Variants in TBC1D16 observed in about 807,000 individuals in gnomAD.
TBC1D16 encodes the protein TBC1 domain family member 16.
TBC1D16 carries 58 observed loss-of-function variants against 74.7 expected under a neutral mutation model. The ratio of observed to expected loss-of-function variants is 0.78; its 90% CI spans 0.63 to 0.97. The LOEUF (loss-of-function observed/expected upper bound fraction) is 0.97. Ranked by LOEUF, TBC1D16 falls within the 50% of genes least tolerant of loss-of-function variation. The pLI is 0.00. For synonymous variants in TBC1D16, 493 were observed against 474.7 expected, an observed-to-expected ratio of 1.04 and a Z score of -0.50; for missense variants, 1,014 against 1,079.5, an observed-to-expected ratio of 0.94 and a Z score of 0.85.
chr17:79,967,166 T>C (rs1332646821), intron 3 of TBC1D16, among the ~76,000 whole-genome samples: 1 of 152,176 alleles, frequency 6.6e-6, no homozygotes, highest in Non-Finnish European at 1.5e-5. Context: ...GACAAAGATA[T>C]TCACTCTCAC....
At chr17:80,027,712 C>T (rs1015766868) in intron 1 of TBC1D16, among the ~76,000 whole-genome samples, 3 of 150,100 alleles carry the variant, frequency 2.0e-5, no homozygotes, top group East Asian at 2.0e-4. Flanking sequence ...GCCAACATGG[C>T]GAAACCCCGT....
intron 1 of TBC1D16, among the ~76,000 whole-genome samples, chr17:80,034,433 C>G (rs1330018487): frequency 2.0e-5 from 3 of 152,146 alleles, no homozygotes; most frequent in African/African-American, 4.8e-5. Context: ...AACTCCTGAC[C>G]TCAGGTGATC....
chr17:79,962,310 A>T lies in TBC1D16; in HGVS notation c.780-9492T>A, dbSNP rs143326541. Among the ~76,000 whole-genome samples the T allele has an allele frequency of 3.7e-3, 531 of 141,652 alleles. 6 individuals carry two copies. The highest frequency in any genetic ancestry group is 0.013 in the African/African-American group (507 of 37,962). The allele number at this position is 141,652 out of a possible 152,430, so 92.9% of individuals were successfully genotyped here. ...GCTCACTGCAACCTCCACCTCCCGG[A>T]CTCAAGCAATTCTCCTGCCTCAGCC... On this transcript the variant is annotated intron_variant, in intron 3 of 11. Coordinates refer to ENST00000310924, the MANE Select transcript of TBC1D16 (RefSeq NM_019020.4).
chr17:79,968,284 G>C (rs1428625921), intron 3 of TBC1D16, among the ~76,000 whole-genome samples: 1 of 152,212 alleles, frequency 6.6e-6, no homozygotes, highest in Non-Finnish European at 1.5e-5. Flanking sequence ...GGGATTCGAG[G>C]CATGAGCCGC....
rs1334000740 is a variant in TBC1D16, at chr17:79,954,342, T to G, written c.780-1524A>C. Among the ~76,000 whole-genome samples, 2 of 152,194 alleles carry G rather than the reference T, an allele frequency of 1.3e-5. No individual in the cohort carries two copies. Among genetic ancestry groups the G allele is most frequent in the Non-Finnish European group, 2.9e-5 (2 of 68,030 alleles). ...ACTGGGAACTTCACACAGAGAAACC[T>G]GACTGGCCTTTCTAGAGCCCTCTAC... On this transcript the variant is annotated intron_variant, in intron 3 of 11. Transcript: ENST00000310924. This position sits in a 1 kb window ranked among gnomAD's most constrained non-coding sequence, Gnocchi z 5.5.
Position 79,990,313 on chromosome 17 carries a change from C to A in TBC1D16, c.779+19847G>T, listed in dbSNP as rs1484134568. Among the ~76,000 whole-genome samples the A allele has an allele frequency of 6.6e-6, 1 of 152,236 alleles. No individual in the cohort carries two copies. Among genetic ancestry groups the A allele is most frequent in the South Asian group, 2.1e-4 (1 of 4,836 alleles). ...GCCGGCTCCAGGTGGTGGGAGCCCA[C>A]GCCCCCGGCCAGCACTCTGGCCACA... is the stretch of plus-strand genomic sequence containing the variant. On this transcript the variant is annotated intron_variant, in intron 3 of 11. Coordinates refer to ENST00000310924, the MANE Select transcript of TBC1D16 (RefSeq NM_019020.4). The surrounding 1 kb of genome is among the most constrained non-coding windows in gnomAD (Gnocchi z 4.8).
chr17:80,023,665 C>CTA (rs1484257196), intron 1 of TBC1D16, among the ~76,000 whole-genome samples: 3 of 142,754 alleles, frequency 2.1e-5, no homozygotes, highest in African/African-American at 2.8e-5. Context: ...GGGCCCCCCC[C>CTA]CACCGGCTCA....
intron 1 of TBC1D16, among the ~76,000 whole-genome samples, chr17:80,031,479 A>G (rs1307664133): frequency 6.6e-6 from 1 of 151,924 alleles, no homozygotes; most frequent in African/African-American, 2.4e-5. Context: ...GACCCCTGAG[A>G]GGCTATAACG....
intron 3 of TBC1D16, among the ~76,000 whole-genome samples, chr17:79,999,907 TCTTTGCCGGGGCCC>T (rs1240305299): frequency 6.6e-6 from 1 of 152,026 alleles, no homozygotes; most frequent in Non-Finnish European, 1.5e-5. Context: ...TTCTATAGTG[TCTTTGCCGGGGCCC>T]CAGCAACCTG....
At chr17:80,023,146 G>T (rs1350950429) in intron 1 of TBC1D16, among the ~76,000 whole-genome samples, 1 of 149,874 alleles carries the variant, frequency 6.7e-6, no homozygotes, top group African/African-American at 2.5e-5. Context: ...AAGATTTACC[G>T]CGAAATGGGA....
rs898828776 is a variant in TBC1D16, at chr17:79,985,567, C to G, written c.779+24593G>C. 6.6e-6 allele frequency among the ~76,000 whole-genome samples: 1 copy of G among 152,220 alleles called. No homozygotes were observed. Among genetic ancestry groups the G allele is most frequent in the Non-Finnish European group, 1.5e-5 (1 of 68,038 alleles). On this transcript the variant is annotated intron_variant, in intron 3 of 11. Transcript: ENST00000310924. The surrounding 1 kb of genome is among the most constrained non-coding windows in gnomAD (Gnocchi z 4.9). ...TCAGCGGGCACTGGCCTGGCACTCA[C>G]GCTCGGGGTGGGGGGCATCCCAGGC...
At chr17:79,996,336 C>T (rs1238979089) in intron 3 of TBC1D16, among the ~76,000 whole-genome samples, 3 of 152,082 alleles carry the variant, frequency 2.0e-5, no homozygotes, top group African/African-American at 4.8e-5. Flanking sequence ...AGAGATCTTC[C>T]GCCAAAGAAT....
At position 79,985,993 on chromosome 17, in the gene TBC1D16, C is replaced by T. The variant is rs1026602992; in HGVS notation, c.779+24167G>A. Among the ~76,000 whole-genome samples, 1 of 152,220 alleles carries T rather than the reference C, an allele frequency of 6.6e-6. No homozygotes were observed. Among genetic ancestry groups the T allele is most frequent in the Non-Finnish European group, 1.5e-5 (1 of 68,052 alleles). On this transcript the variant is annotated intron_variant, in intron 3 of 11. Transcript: ENST00000310924. The surrounding 1 kb of genome is among the most constrained non-coding windows in gnomAD (Gnocchi z 4.9). ...TTCCCAACGAAACTCTTCTGCCAGG[C>T]GGCATAAGGGGCGCGGCCCTCCGCT... is the stretch of plus-strand genomic sequence containing the variant.
chr17:79,935,429 C>G lies in TBC1D16; in HGVS notation c.*5430G>C, dbSNP rs2031523673. On this transcript the variant is annotated 3_prime_UTR_variant, in exon 12 of 12. Transcript: ENST00000310924. ...GAGCCCCTGGCCAGCCTCCCAGGAC[C>G]CTCAGTCCCCACAGCCCCCATCCAG... 1 of 152,372 alleles carries G rather than the reference C, an allele frequency of 6.6e-6. No individual in the cohort carries two copies. Among genetic ancestry groups the G allele is most frequent in the South Asian group, 2.1e-4 (1 of 4,832 alleles). The allele number at this position is 152,372 out of a possible 1,614,324, so 9.4% of individuals were successfully genotyped here. A position where few individuals can be genotyped will look rare whatever the true frequency, so the allele number is the denominator to read the frequency against.
intron 9 of TBC1D16, among the ~76,000 whole-genome samples, 155 bp downstream of exon 9, chr17:79,947,490 C>T (rs939811433): frequency 3.3e-5 from 5 of 152,202 alleles, no homozygotes; most frequent in African/African-American, 1.2e-4. Context: ...GGCTAAGCCG[C>T]CCATATCCCA....
chr17:80,017,312 A>C (rs1347320814), intron 1 of TBC1D16, among the ~76,000 whole-genome samples: 1 of 152,158 alleles, frequency 6.6e-6, no homozygotes, highest in Non-Finnish European at 1.5e-5. Flanking sequence ...TTACTGACAG[A>C]CACTCAAGCT....
rs2032300732 is a variant in TBC1D16, at chr17:79,944,162, G to C, written c.1908+746C>G. On this transcript the variant is annotated intron_variant, in intron 10 of 11. Transcript: ENST00000310924. This position sits in a 1 kb window ranked among gnomAD's most constrained non-coding sequence, Gnocchi z 7.7. ...GACGCAAATGTCTTCCAGCAGATGG[G>C]TGTTTGCCTCCATCTTCAGGGTTCT... The C allele has an allele frequency of 2.0e-5, 30 of 1,534,098 alleles. No individual in the cohort carries two copies. The South Asian group carries it at 3.6e-4, about 18-fold the overall frequency.
chr17:79,970,942 T>G (rs2034071193), intron 3 of TBC1D16, among the ~76,000 whole-genome samples: 1 of 152,178 alleles, frequency 6.6e-6, no homozygotes, highest in Non-Finnish European at 1.5e-5. Flanking sequence ...CATTGTTGAG[T>G]TTTACGTTCC....
rs1280025814 is a variant in TBC1D16 at position 79,983,215 on chromosome 17, C to T, written c.779+26945G>A. ...TGGCGGTTCAGAAGACGTGGCAGCG[C>T]GGGAGGGGTTTATGGCAGGGCATGA... On this transcript the variant is annotated intron_variant, in intron 3 of 11. Coordinates refer to ENST00000310924, the MANE Select transcript of TBC1D16 (RefSeq NM_019020.4). This position sits in a 1 kb window ranked among gnomAD's most constrained non-coding sequence, Gnocchi z 5.6. Among the ~76,000 whole-genome samples the T allele has an allele frequency of 3.3e-5, 5 of 152,158 alleles. No homozygotes were observed. The highest frequency in any genetic ancestry group is 2.1e-4 in the South Asian group (1 of 4,830).
Sources: allele counts gnomAD v4.1 joint callset (sites outside exome capture counted in the v4.1 genomes callset), GRCh38; gene constraint gnomAD v4.1.1; non-coding constraint Gnocchi (gnomAD v3.1); transcripts MANE v1.5; gene names NCBI Gene and HGNC (gene_info 2026-07-23, HGNC 2026-07-21).